Variants in PDE10A observed in about 807,000 individuals in gnomAD.
PDE10A encodes phosphodiesterase 10A.
Under a neutral mutation model 97.7 loss-of-function variants are expected in PDE10A, and 39 were observed. The ratio of observed to expected loss-of-function variants is 0.40; its 90% CI spans 0.31 to 0.52. The LOEUF (loss-of-function observed/expected upper bound fraction) is 0.52, where lower values mean the gene tolerates loss of function less well. PDE10A is among the 20% of genes least tolerant of loss of function. The probability of loss-of-function intolerance (pLI) is 0.56; values close to 1 mark genes in which losing one functional copy is unlikely to be tolerated. For missense variants in PDE10A, 731 were observed against 1,047.8 expected, an observed-to-expected ratio of 0.70 and a Z score of 4.17; for synonymous variants, 371 against 376.8, an observed-to-expected ratio of 0.98 and a Z score of 0.18.
chr6:165,388,582 G>T lies in PDE10A; in HGVS notation c.2455-129C>A, dbSNP rs1785460676. 1 of 792,372 alleles carries T rather than the reference G, an allele frequency of 1.3e-6. No individual in the cohort carries two copies. The highest frequency in any genetic ancestry group is 2.1e-6 in the Non-Finnish European group (1 of 478,468). The allele number at this position is 792,372 out of a possible 1,614,324, so 49.1% of individuals were successfully genotyped here. A position where few individuals can be genotyped will look rare whatever the true frequency, so the allele number is the denominator to read the frequency against. On this transcript the variant is annotated intron_variant, in intron 16 of 21. Transcript: ENST00000539869. This position sits in a 1 kb window ranked among gnomAD's most constrained non-coding sequence, Gnocchi z 4.0. ...CACAAATACAGCATTCTGGCATAAA[G>T]AATCCTATACAAATAGAGCAAACCC...
At chr6:165,489,333 T>A (rs563959177) in intron 2 of PDE10A, among the ~76,000 whole-genome samples, 6 of 152,206 alleles carry the variant, frequency 3.9e-5, no homozygotes, top group Admixed American at 1.3e-4. Context: ...TGTGGTTACA[T>A]TCAGAAGATA....
chr6:165,916,717 A>C (rs1782614360), intron 1 of PDE10A, among the ~76,000 whole-genome samples: 2 of 152,176 alleles, frequency 1.3e-5, no homozygotes, highest in African/African-American at 4.8e-5. Context: ...AAAAATAAAT[A>C]AACAAAACAA....
chr6:165,626,762 CG>C (rs549710071), intron 1 of PDE10A, among the ~76,000 whole-genome samples: 150 of 149,570 alleles, frequency 1.0e-3, no homozygotes, highest in African/African-American at 3.5e-3. Context: ...GGTGGGGCGG[CG>C]GGGGGAAGTT....
At chr6:165,677,312 C>G (rs1201150753) in intron 1 of PDE10A, among the ~76,000 whole-genome samples, 5 of 152,318 alleles carry the variant, frequency 3.3e-5, no homozygotes, top group Admixed American at 2.0e-4. Flanking sequence ...TTCCCTGGGC[C>G]TCCAGCCTGC....
intron 17 of PDE10A, among the ~76,000 whole-genome samples, chr6:165,379,601 C>T (rs1784815268): frequency 6.6e-6 from 1 of 152,022 alleles, no homozygotes; most frequent in East Asian, 1.9e-4. Flanking sequence ...ACTATTGCAA[C>T]TATAATAACA....
chr6:165,821,365 C>T (rs1314779763), intron 1 of PDE10A, among the ~76,000 whole-genome samples: 3 of 152,134 alleles, frequency 2.0e-5, no homozygotes, highest in Non-Finnish European at 4.4e-5. Context: ...ATCGTGACAA[C>T]AGAGTGAGAC....
intron 1 of PDE10A, among the ~76,000 whole-genome samples, chr6:165,659,430 G>A (rs553546167): frequency 1.0e-3 from 152 of 152,246 alleles, no homozygotes; most frequent in African/African-American, 3.6e-3. Flanking sequence ...CAGTACTTTA[G>A]CAATTCAGAC....
intron 1 of PDE10A, among the ~76,000 whole-genome samples, chr6:165,773,914 A>G (rs1049678883): frequency 6.6e-6 from 1 of 152,178 alleles, no homozygotes; most frequent in Non-Finnish European, 1.5e-5. Context: ...CAACTATCAT[A>G]TGATTCAAAC....
In PDE10A at chr6:165,662,847, G is replaced by A. The variant is rs1790359976; in HGVS notation, c.-36C>T. The stretch of plus-strand genomic sequence containing the variant: ...CGGGCCGCGGAGGGGCAGGCCGCGG[G>A]CGGGAGGGGCGCGGCGGGCCGGGGC... On this transcript the variant is annotated 5_prime_UTR_variant, in exon 1 of 22. Transcript: ENST00000539869. Among the ~76,000 whole-genome samples, 1 of 150,614 alleles carries A rather than the reference G, an allele frequency of 6.6e-6. No individual in the cohort carries two copies. The highest frequency in any genetic ancestry group is 1.5e-5 in the Non-Finnish European group (1 of 67,396).
chr6:165,899,730 C>G (rs1782052943), intron 1 of PDE10A, among the ~76,000 whole-genome samples: 2 of 152,206 alleles, frequency 1.3e-5, no homozygotes, highest in Non-Finnish European at 2.9e-5. Flanking sequence ...CGGGCTGTAC[C>G]AGGTGCTGCG....
chr6:165,601,393 T>TA (rs1344922872), intron 1 of PDE10A, among the ~76,000 whole-genome samples: 6 of 152,248 alleles, frequency 3.9e-5, no homozygotes, highest in African/African-American at 1.4e-4. Flanking sequence ...TTTACAGTTT[T>TA]ATATTACACA....
intron 1 of PDE10A, chr6:165,780,504 CA>C (rs1324763566): frequency 6.6e-6 from 1 of 152,230 alleles, no homozygotes; most frequent in East Asian, 1.9e-4. Context: ...AGACGACCAA[CA>C]GATGCTCCAT....
At chr6:165,405,196 C>G (rs1194083107) in intron 13 of PDE10A, among the ~76,000 whole-genome samples, 2 of 152,122 alleles carry the variant, frequency 1.3e-5, no homozygotes, top group Non-Finnish European at 2.9e-5. Context: ...CCAAATGCAC[C>G]TCAGCGTATA....
chr6:165,854,369 A>G (rs1780655087), intron 1 of PDE10A, among the ~76,000 whole-genome samples: 1 of 151,956 alleles, frequency 6.6e-6, no homozygotes, highest in African/African-American at 2.4e-5. Context: ...GGGAACGGGG[A>G]GTGAGGCCGG....
chr6:165,630,644 T>C (rs748865952), intron 1 of PDE10A, among the ~76,000 whole-genome samples: 1 of 152,176 alleles, frequency 6.6e-6, no homozygotes, highest in Non-Finnish European at 1.5e-5. Context: ...CCACCATGGC[T>C]TATGCTGGTA....
chr6:165,884,228 G>T (rs1313961937), intron 1 of PDE10A, among the ~76,000 whole-genome samples: 9 of 152,196 alleles, frequency 5.9e-5, no homozygotes, highest in Admixed American at 5.2e-4. Context: ...AGACTGCAAA[G>T]GCAAGGGTGG....
At chr6:165,386,209 G>A (rs771819159) in intron 17 of PDE10A, among the ~76,000 whole-genome samples, 1 of 152,142 alleles carries the variant, frequency 6.6e-6, no homozygotes, top group Admixed American at 6.5e-5. Flanking sequence ...TTTGATGGCA[G>A]CAACTGGGCC....
At chr6:165,487,775 T>A (rs1251982469) in intron 2 of PDE10A, among the ~76,000 whole-genome samples, 1 of 152,118 alleles carries the variant, frequency 6.6e-6, no homozygotes, top group Non-Finnish European at 1.5e-5. Flanking sequence ...ACAGAGAGAA[T>A]ACTGCCCCCT....
At chr6:165,840,263 C>T (rs2128473049) in intron 1 of PDE10A, among the ~76,000 whole-genome samples, 1 of 152,184 alleles carries the variant, frequency 6.6e-6, no homozygotes, top group East Asian at 1.9e-4. Flanking sequence ...TTATCTCCCT[C>T]ACACAGGTAC....
Sources: gnomAD v4.1 joint callset for allele counts (sites outside exome capture counted in the v4.1 genomes callset) on GRCh38, gnomAD v4.1.1 for gene constraint, Gnocchi (gnomAD v3.1) non-coding constraint, MANE v1.5 for transcripts, NCBI Gene and HGNC (gene_info 2026-07-23, HGNC 2026-07-21) for gene names.